The following GLIS3 variants were observed in gnomAD, a reference collection of about 807,000 sequenced individuals.
The protein encoded by GLIS3 is zinc finger protein GLIS3.
In GLIS3, 53 loss-of-function variants were observed where a neutral mutation model predicts 78.6. The ratio of observed to expected loss-of-function variants is 0.67; its 90% CI spans 0.54 to 0.85. The LOEUF (loss-of-function observed/expected upper bound fraction) is 0.85. Ranked by LOEUF, GLIS3 falls within the 40% of genes least tolerant of loss-of-function variation. GLIS3 has a pLI of 0.00. For missense variants in GLIS3, 1,703 were observed against 1,231.1 expected (o/e 1.38, Z -5.74); for synonymous variants, 684 against 509.9 (o/e 1.34, Z -4.60).
chr9:4,015,340 C>T (rs1057409937), intron 4 of GLIS3, among the ~76,000 whole-genome samples: 1 of 152,126 alleles, frequency 6.6e-6, no homozygotes, highest in Non-Finnish European at 1.5e-5. Context: ...GAAACGCATA[C>T]CAAAGTAAGA....
At chr9:4,412,557 T>C in the GLIS3 span, among the ~76,000 whole-genome samples, 1 of 152,214 alleles carries the variant, frequency 6.6e-6, no homozygotes, top group Non-Finnish European at 1.5e-5. Context: ...TTTCAGCTTA[T>C]TCACTGGTAT....
chr9:3,946,056 T>G lies in GLIS3; in HGVS notation c.1711-8867A>C, dbSNP rs573965270. Among the ~76,000 whole-genome samples the G allele has an allele frequency of 2.6e-5, 4 of 152,324 alleles. No homozygotes were observed. The South Asian group carries it at 8.3e-4, about 32-fold the overall frequency. On this transcript the variant is annotated intron_variant, in intron 4 of 10. Transcript: ENST00000381971. ...ATACTACTTCCTGTGCCTGGTAACA[T>G]CCTACTGACCCTTTAGCTTGGTGCC...
At chr9:3,962,725 A>G (rs1817649775) in intron 4 of GLIS3, among the ~76,000 whole-genome samples, 2 of 152,138 alleles carry the variant, frequency 1.3e-5, no homozygotes, top group Admixed American at 6.5e-5. Context: ...GAAGTCCAGA[A>G]TTTCATGGGA....
At chr9:3,854,710 T>C (rs1231623429) in intron 9 of GLIS3, among the ~76,000 whole-genome samples, 1 of 151,840 alleles carries the variant, frequency 6.6e-6, no homozygotes, top group Non-Finnish European at 1.5e-5. Flanking sequence ...CTAATTTTTT[T>C]TTTTTTTGTA....
chr9:4,283,406 C>A (rs1197121347), intron 2 of GLIS3, among the ~76,000 whole-genome samples: 1 of 152,072 alleles, frequency 6.6e-6, no homozygotes, highest in African/African-American at 2.4e-5. Flanking sequence ...GCTGGGATTA[C>A]AGGCGCCCAC....
At chr9:3,969,395 G>A (rs182830853) in intron 4 of GLIS3, among the ~76,000 whole-genome samples, 3 of 152,350 alleles carry the variant, frequency 2.0e-5, no homozygotes, top group Non-Finnish European at 2.9e-5. Context: ...CTCCAAAGAA[G>A]AAGAGGTCTG....
chr9:4,088,103 C>T (rs914349164), intron 4 of GLIS3, among the ~76,000 whole-genome samples: 1 of 152,076 alleles, frequency 6.6e-6, no homozygotes, highest in African/African-American at 2.4e-5. Context: ...GTCTTCAACC[C>T]CAACATAACC....
chr9:4,007,981 T>C (rs1387861542), intron 4 of GLIS3, among the ~76,000 whole-genome samples: 9 of 152,010 alleles, frequency 5.9e-5, no homozygotes, highest in Non-Finnish European at 8.8e-5. Flanking sequence ...GTCAGTGTGC[T>C]TCTCTGTGTA....
chr9:4,448,537 G>A, the GLIS3 span, among the ~76,000 whole-genome samples: 1 of 152,208 alleles, frequency 6.6e-6, no homozygotes, highest in Non-Finnish European at 1.5e-5. Flanking sequence ...TCTGCACATT[G>A]TTGTTGTCAT....
In GLIS3 at chr9:4,299,952, C is replaced by G. The variant is rs1262089913; in HGVS notation, c.-630G>C. ...TGGCCGCGGCACTCGCCGCCGGTGC[C>G]CGTGCGCGCCGCGCTCTGGGCTGCC... is the stretch of plus-strand genomic sequence containing the variant. On this transcript the variant is annotated 5_prime_UTR_variant, in exon 1 of 11. Transcript: ENST00000381971. 6.6e-6 allele frequency: 1 copy of G among 152,050 alleles called. No homozygotes were observed. The highest frequency in any genetic ancestry group is 2.0e-4 in the East Asian group (1 of 5,128). The allele number at this position is 152,050 out of a possible 1,614,324, so 9.4% of individuals were successfully genotyped here.
intron 2 of GLIS3, among the ~76,000 whole-genome samples, chr9:4,199,396 A>G (rs1488942639): frequency 6.6e-6 from 1 of 151,882 alleles, no homozygotes; most frequent in Non-Finnish European, 1.5e-5. Flanking sequence ...CACAAAAAAG[A>G]GTATAGGTAA....
At chr9:4,017,904 G>C (rs1398651888) in intron 4 of GLIS3, among the ~76,000 whole-genome samples, 4 of 152,172 alleles carry the variant, frequency 2.6e-5, no homozygotes, top group African/African-American at 9.7e-5. Context: ...AGGACTGTGA[G>C]ATGAATTGAC....
chr9:4,326,174 C>G (rs1225414278), intron 2 of GLIS3, among the ~76,000 whole-genome samples: 2 of 152,116 alleles, frequency 1.3e-5, no homozygotes, highest in African/African-American at 2.4e-5. Flanking sequence ...TGTAACAAAC[C>G]TGCACATCCT....
chr9:4,087,105 A>G (rs1259349169), intron 4 of GLIS3, among the ~76,000 whole-genome samples: 1 of 152,216 alleles, frequency 6.6e-6, no homozygotes, highest in African/African-American at 2.4e-5. Flanking sequence ...GAATAACTAT[A>G]TTTGTTTGCA....
At chr9:3,843,024 C>T (rs1204205968) in intron 9 of GLIS3, among the ~76,000 whole-genome samples, 1 of 152,162 alleles carries the variant, frequency 6.6e-6, no homozygotes, top group African/African-American at 2.4e-5. Flanking sequence ...ACTTGCCTGG[C>T]TCTCTCTCCC....
At chr9:4,234,193 A>G (rs1179129323) in intron 2 of GLIS3, among the ~76,000 whole-genome samples, 3 of 152,192 alleles carry the variant, frequency 2.0e-5, no homozygotes, top group Admixed American at 1.3e-4. Context: ...ATTTCTTTCA[A>G]GAACTTTTCC....
At chr9:3,910,336 ATTTTG>A (rs1824049530) in intron 6 of GLIS3, among the ~76,000 whole-genome samples, 1 of 152,072 alleles carries the variant, frequency 6.6e-6, no homozygotes. Context: ...GGCTGAAAAA[ATTTTG>A]TTTTGTTATT....
intron 2 of GLIS3, among the ~76,000 whole-genome samples, chr9:4,191,940 A>G (rs1818368106): frequency 1.3e-5 from 2 of 152,154 alleles, no homozygotes; most frequent in Middle Eastern, 3.2e-3. Context: ...AAATTTTGTT[A>G]AAGGAGGTTG....
At chr9:4,444,706 G>T in the GLIS3 span, among the ~76,000 whole-genome samples, 1 of 152,198 alleles carries the variant, frequency 6.6e-6, no homozygotes, top group South Asian at 2.1e-4. Flanking sequence ...AAGCCCCTGG[G>T]GTATATGGAA....
Sources: gnomAD v4.1 joint callset for allele counts (sites outside exome capture counted in the v4.1 genomes callset) on GRCh38, gnomAD v4.1.1 for gene constraint, MANE v1.5 for transcripts, NCBI Gene and HGNC (gene_info 2026-07-23, HGNC 2026-07-21) for gene names.